ZNF43: variants seen among roughly 807,000 people sequenced by gnomAD.
The protein encoded by ZNF43 is zinc finger protein 39-like 1 (KOX 27).
Under a neutral mutation model 68.4 loss-of-function variants are expected in ZNF43, and 44 were observed. The observed-to-expected ratio is 0.64, with a 90% confidence interval of 0.51 to 0.83. The LOEUF (loss-of-function observed/expected upper bound fraction) is 0.83. Among genes scored for constraint, ZNF43 ranks in the 40% least tolerant of loss-of-function variants. The pLI is 0.00. For missense variants in ZNF43, 896 were observed against 933.2 expected (o/e 0.96, Z 0.52); for synonymous variants, 308 against 307.8 (o/e 1.00, Z -0.01).
chr19:21,846,195 GGGCA>G (rs1178162805), intron 1 of ZNF43, among the ~76,000 whole-genome samples: 1 of 152,180 alleles, frequency 6.6e-6, no homozygotes, highest in Non-Finnish European at 1.5e-5. Context: ...TCACTACAGT[GGGCA>G]GGGTCTAGCT....
intron 1 of ZNF43, among the ~76,000 whole-genome samples, chr19:21,832,463 T>A (rs1339188932): frequency 6.6e-6 from 1 of 152,098 alleles, no homozygotes; most frequent in African/African-American, 2.4e-5. Context: ...ATTCTAGACA[T>A]AAGAACCAGA....
At chr19:21,827,753 C>T (rs1223307518) in intron 1 of ZNF43, among the ~76,000 whole-genome samples, 1 of 151,268 alleles carries the variant, frequency 6.6e-6, no homozygotes, top group Non-Finnish European at 1.5e-5. Flanking sequence ...CCTCCGCCTC[C>T]CAGGTTCAAG....
At chr19:21,809,893 T>C (rs1288406772) in intron 3 of ZNF43, 86 bp from the exon 4 acceptor site, 1 of 1,296,666 alleles carries the variant, frequency 7.7e-7, no homozygotes, top group Non-Finnish European at 1.0e-6. Context: ...TCACACAAGC[T>C]ACATAAGCAA....
intron 1 of ZNF43, among the ~76,000 whole-genome samples, chr19:21,824,175 ACT>A (rs1056565177): frequency 1.3e-5 from 2 of 152,028 alleles, no homozygotes; most frequent in African/African-American, 2.4e-5. Flanking sequence ...CGACAGTGAG[ACT>A]CTGTCTCAAA....
At chr19:21,833,852 A>G (rs1321005356) in intron 1 of ZNF43, among the ~76,000 whole-genome samples, 1 of 151,626 alleles carries the variant, frequency 6.6e-6, no homozygotes, top group Non-Finnish European at 1.5e-5. Flanking sequence ...ACATGGGGAA[A>G]CCCTGTCTCT....
intron 1 of ZNF43, among the ~76,000 whole-genome samples, chr19:21,832,659 G>C (rs980519463): frequency 6.6e-6 from 1 of 151,972 alleles, no homozygotes; most frequent in Non-Finnish European, 1.5e-5. Context: ...AAGGTCAGGA[G>C]TTCGAGACCA....
intron 1 of ZNF43, among the ~76,000 whole-genome samples, chr19:21,834,976 A>G (rs1056676696): frequency 6.7e-6 from 1 of 148,554 alleles, no homozygotes; most frequent in Non-Finnish European, 1.5e-5. Context: ...CTCGGTGGCT[A>G]TTTTTAAGTG....
intron 1 of ZNF43, 103 bp downstream of exon 1, chr19:21,835,931 TGG>T: frequency 6.3e-7 from 1 of 1,587,312 alleles, no homozygotes; most frequent in South Asian, 1.1e-5. Context: ...GAGGCCGAGC[TGG>T]GCAAGAACTC....
At chr19:21,839,223 AAT>A (rs1468729706), upstream of ZNF43, among the ~76,000 whole-genome samples, 2 of 151,606 alleles carry the variant, frequency 1.3e-5, no homozygotes, top group Non-Finnish European at 2.9e-5. Flanking sequence ...AAGAAAAAAG[AAT>A]ATGTCATAAT....
chr19:21,832,015 C>T (rs547914982), intron 1 of ZNF43, among the ~76,000 whole-genome samples: 2 of 152,082 alleles, frequency 1.3e-5, no homozygotes, highest in Non-Finnish European at 2.9e-5. Flanking sequence ...ACATTCTTAA[C>T]GGGACTAAAA....
intron 1 of ZNF43, among the ~76,000 whole-genome samples, chr19:21,831,266 TAA>T (rs1305332712): frequency 2.0e-5 from 3 of 152,252 alleles, no homozygotes; most frequent in African/African-American, 7.2e-5. Context: ...TCAGGCAAGA[TAA>T]AGAGAAAGAA....
intron 1 of ZNF43, among the ~76,000 whole-genome samples, chr19:21,820,517 G>A (rs935829287): frequency 6.6e-6 from 1 of 150,948 alleles, no homozygotes; most frequent in Non-Finnish European, 1.5e-5. Context: ...GGCAGAGGTT[G>A]CAGTGAGCCA....
intron 1 of ZNF43, among the ~76,000 whole-genome samples, chr19:21,832,618 T>TGTAATCCCAG (rs71309636): frequency 6.6e-6 from 1 of 151,886 alleles, no homozygotes; most frequent in African/African-American, 2.4e-5. Context: ...GCGCAGTGGC[T>TGTAATCCCAG]CACTTTAGGA....
intron 1 of ZNF43, 40 bp from the exon 2 acceptor site, chr19:21,819,261 T>C: frequency 6.6e-7 from 1 of 1,515,188 alleles, no homozygotes; most frequent in Non-Finnish European, 8.8e-7. Flanking sequence ...CACACACATT[T>C]ACCAAGTGGC....
intron 1 of ZNF43, among the ~76,000 whole-genome samples, chr19:21,821,715 A>G (rs1375721965): frequency 6.6e-6 from 1 of 152,222 alleles, no homozygotes; most frequent in Non-Finnish European, 1.5e-5. Context: ...GATGTAGAGA[A>G]TGTAGAGAAG....
At chr19:21,832,622 T>TGTAATCCCAGCACC (rs2038476380) in intron 1 of ZNF43, among the ~76,000 whole-genome samples, 1 of 79,808 alleles carries the variant, frequency 1.3e-5, no homozygotes, top group African/African-American at 7.0e-5. Context: ...AGTGGCTCAC[T>TGTAATCCCAGCACC]TTAGGAGGCC....
intron 1 of ZNF43, among the ~76,000 whole-genome samples, chr19:21,822,797 T>C (rs978007106): frequency 6.6e-6 from 1 of 151,326 alleles, no homozygotes; most frequent in Non-Finnish European, 1.5e-5. Context: ...AGAGCAAGAC[T>C]CCGTCTCAGA....
upstream of ZNF43, chr19:21,839,582 TCACA>T (rs1967372858): frequency 6.6e-6 from 1 of 152,092 alleles, no homozygotes; most frequent in African/African-American, 2.4e-5. Flanking sequence ...GGCAGAAGAA[TCACA>T]TAGCCTGTGT....
intron 1 of ZNF43, among the ~76,000 whole-genome samples, chr19:21,846,897 C>T (rs1287197612): frequency 1.3e-5 from 2 of 152,166 alleles, no homozygotes; most frequent in Admixed American, 6.5e-5. Context: ...GTGGCCAAAT[C>T]GTAGGCAGAA....
Sources: gnomAD v4.1 joint callset for allele counts (sites outside exome capture counted in the v4.1 genomes callset) on GRCh38, gnomAD v4.1.1 for gene constraint, MANE v1.5 for transcripts, NCBI Gene and HGNC (gene_info 2026-07-23, HGNC 2026-07-21) for gene names.